Variants in PSD3 observed in about 807,000 individuals in gnomAD.
PSD3 encodes pleckstrin and Sec7 domain containing 3.
PSD3 carries 49 observed loss-of-function variants against 105.5 expected under a neutral mutation model. That is an observed-to-expected ratio of 0.46 (90% CI 0.37 to 0.59). PSD3 has a LOEUF of 0.59. Among genes scored for constraint, PSD3 ranks in the 20% least tolerant of loss-of-function variants. The pLI, the probability that PSD3 is intolerant of heterozygous loss-of-function variation, is 0.00. For synonymous variants in PSD3, 557 were observed against 457.8 expected, an observed-to-expected ratio of 1.22 and a Z score of -2.77; for missense variants, 1,561 against 1,263.8, an observed-to-expected ratio of 1.24 and a Z score of -3.57.
chr8:18,837,233 T>A (rs1330083872), intron 4 of PSD3, among the ~76,000 whole-genome samples: 1 of 152,046 alleles, frequency 6.6e-6, no homozygotes, highest in East Asian at 1.9e-4. Context: ...TGTGAGACGC[T>A]CTTGAACCAG....
Position 18,690,640 on chromosome 8 carries a change from C to G in PSD3, c.2173-34955G>C, listed in dbSNP as rs565947298. On this transcript the variant is annotated intron_variant, in intron 9 of 15. Transcript: ENST00000327040. ...CATCTGAGCCTGCACCAGAACCCTG[C>G]TGCCATGTGTCACTAACCTACCACC... Among the ~76,000 whole-genome samples the G allele has an allele frequency of 6.6e-5, 10 of 152,332 alleles. No individual in the cohort carries two copies. The South Asian group carries it at 2.1e-3, about 32-fold the overall frequency.
rs547893283 is a variant in PSD3, at chr8:18,997,153, C to T, written c.21+16410G>A. ...ATTTCATCCAGTTTGTATATTCTGA[C>T]AACTCTCAAATGTTCACCTCTAACC... On this transcript the variant is annotated intron_variant, in intron 1 of 15. Transcript: ENST00000327040. Among the ~76,000 whole-genome samples, 66 of 151,886 alleles carry T rather than the reference C, an allele frequency of 4.3e-4. 1 individual carries two copies. The South Asian group carries it at 0.013, about 30-fold the overall frequency.
At chr8:18,882,468 C>T (rs1818168752) in intron 2 of PSD3, among the ~76,000 whole-genome samples, 1 of 152,134 alleles carries the variant, frequency 6.6e-6, no homozygotes, top group Admixed American at 6.5e-5. Flanking sequence ...ACAAGAGCAA[C>T]TTGGCCTCTG....
chr8:18,591,657 T>C (rs1803617980), intron 12 of PSD3, among the ~76,000 whole-genome samples: 1 of 152,104 alleles, frequency 6.6e-6, no homozygotes, highest in South Asian at 2.1e-4. Flanking sequence ...CTTAGTGTAC[T>C]TGATTTCTCC....
chr8:18,765,986 C>CA (rs1335143282), intron 8 of PSD3, among the ~76,000 whole-genome samples: 2 of 141,322 alleles, frequency 1.4e-5, no homozygotes, highest in Non-Finnish European at 3.1e-5. Context: ...AAACCAAAAA[C>CA]AAAAAACAGA....
chr8:19,079,693 G>C (rs377140062), intron 1 of PSD3, among the ~76,000 whole-genome samples: 2 of 152,068 alleles, frequency 1.3e-5, no homozygotes, highest in Non-Finnish European at 2.9e-5. Flanking sequence ...TGCAATACCG[G>C]TCCAAAATTC....
At chr8:18,789,054 T>C (rs1184646471) in intron 8 of PSD3, among the ~76,000 whole-genome samples, 1 of 152,174 alleles carries the variant, frequency 6.6e-6, no homozygotes, top group Non-Finnish European at 1.5e-5. Flanking sequence ...GAATATCTGA[T>C]ATGTCACTGG....
chr8:18,894,837 C>T (rs560868411), intron 2 of PSD3, among the ~76,000 whole-genome samples: 7 of 152,122 alleles, frequency 4.6e-5, no homozygotes, highest in South Asian at 4.1e-4. Flanking sequence ...GCTCACTTTG[C>T]GGGAAGGTCT....
intron 6 of PSD3, chr8:18,802,269 A>ATT: frequency 3.5e-6 from 1 of 282,268 alleles, no homozygotes; most frequent in Non-Finnish European, 7.5e-6. Flanking sequence ...AAAACCACAC[A>ATT]TTAATCTACT....
At chr8:18,808,695 A>G in intron 4 of PSD3, 2 of 1,607,456 alleles carry the variant, frequency 1.2e-6, no homozygotes, top group Non-Finnish European at 8.5e-7. Context: ...TTTGAACAAG[A>G]ACCGGAATTG....
At chr8:18,782,119 C>T (rs1269036516) in intron 8 of PSD3, among the ~76,000 whole-genome samples, 1 of 151,588 alleles carries the variant, frequency 6.6e-6, no homozygotes, top group African/African-American at 2.4e-5. Context: ...TTCTGTAGTA[C>T]CTGGGTTTTC....
At chr8:19,065,483 G>A (rs923046352) in intron 1 of PSD3, among the ~76,000 whole-genome samples, 1 of 152,144 alleles carries the variant, frequency 6.6e-6, no homozygotes, top group East Asian at 1.9e-4. Context: ...TTATGTCTGG[G>A]CCTCCAGAAT....
intron 2 of PSD3, among the ~76,000 whole-genome samples, chr8:18,882,851 A>ACACACACACACACGCACG (rs1244827818): frequency 6.6e-6 from 1 of 151,924 alleles, no homozygotes. Flanking sequence ...ATATATACAC[A>ACACACACACACACGCACG]CACACACACA....
At chr8:18,914,653 CAA>C (rs1000869044) in intron 2 of PSD3, among the ~76,000 whole-genome samples, 1 of 151,994 alleles carries the variant, frequency 6.6e-6, no homozygotes, top group African/African-American at 2.4e-5. Flanking sequence ...TAAATCTGAC[CAA>C]GAGAGTGAAT....
chr8:18,540,258 T>C (rs1490108425), intron 15 of PSD3, among the ~76,000 whole-genome samples: 1 of 152,210 alleles, frequency 6.6e-6, no homozygotes, highest in Non-Finnish European at 1.5e-5. Context: ...CATAATGCAA[T>C]TGTACACTTA....
Position 18,861,859 on chromosome 8 carries a change from A to T in PSD3, c.1634+5815T>A, listed in dbSNP as rs145933337. ...TCCATCTTACCAATAAGCAATCAGA[A>T]GTTCCACGAATGAAAAGACCTCCCC... On this transcript the variant is annotated intron_variant, in intron 4 of 15. Transcript: ENST00000327040. Among the ~76,000 whole-genome samples, 284 of 152,274 alleles carry T rather than the reference A, an allele frequency of 1.9e-3. 1 individual carries two copies. Among genetic ancestry groups the T allele is most frequent in the Admixed American group, 3.8e-3 (58 of 15,306 alleles).
At chr8:18,956,989 T>C (rs1304942156) in intron 1 of PSD3, among the ~76,000 whole-genome samples, 1 of 152,118 alleles carries the variant, frequency 6.6e-6, no homozygotes, top group Non-Finnish European at 1.5e-5. Flanking sequence ...TCACTTCTCC[T>C]CTCCCAAGAT....
At chr8:18,808,864 G>T in intron 4 of PSD3, 1 of 1,602,040 alleles carries the variant, frequency 6.2e-7, no homozygotes, top group South Asian at 1.1e-5. Context: ...CAAGTTCAGT[G>T]ACTGCCGAGC....
At chr8:18,553,463 T>A (rs1470700529) in intron 15 of PSD3, among the ~76,000 whole-genome samples, 2 of 152,246 alleles carry the variant, frequency 1.3e-5, no homozygotes, top group Non-Finnish European at 2.9e-5. Context: ...CTTCCTCTGA[T>A]GTTATCTTTT....
Sources: allele counts gnomAD v4.1 joint callset (sites outside exome capture counted in the v4.1 genomes callset), GRCh38; gene constraint gnomAD v4.1.1; transcripts MANE v1.5; gene names NCBI Gene and HGNC (gene_info 2026-07-23, HGNC 2026-07-21).